NNT: variants seen among roughly 807,000 people sequenced by gnomAD.
NNT encodes NAD(P) transhydrogenase, mitochondrial.
In NNT, 50 loss-of-function variants were observed where a neutral mutation model predicts 104.8. That is an observed-to-expected ratio of 0.48 (90% CI 0.38 to 0.60). The LOEUF (loss-of-function observed/expected upper bound fraction) is 0.60. NNT is among the 20% of genes least tolerant of loss of function. NNT has a pLI of 0.00. For synonymous variants in NNT, 461 were observed against 490.4 expected (o/e 0.94, Z 0.79); for missense variants, 1,131 against 1,330.7 (o/e 0.85, Z 2.33).
At chr5:43,640,723 A>G (rs188039938) in intron 7 of NNT, among the ~76,000 whole-genome samples, 119 of 151,394 alleles carry the variant, frequency 7.9e-4, no homozygotes, top group African/African-American at 2.7e-3. Flanking sequence ...TCACTTATCT[A>G]TAGGATTATA....
chr5:43,607,875 A>C (rs188811500), intron 1 of NNT, among the ~76,000 whole-genome samples: 1 of 152,306 alleles, frequency 6.6e-6, no homozygotes, highest in Admixed American at 6.5e-5. Context: ...ACTTACAGGC[A>C]GAGTTAGCAG....
intron 19 of NNT, among the ~76,000 whole-genome samples, chr5:43,688,794 A>G (rs1490419366): frequency 1.3e-5 from 2 of 152,032 alleles, no homozygotes; most frequent in African/African-American, 4.8e-5. Flanking sequence ...CCACTTATTG[A>G]TTGATGGGCA....
chr5:43,653,843 T>C (rs1464439267), intron 14 of NNT, among the ~76,000 whole-genome samples: 2 of 152,082 alleles, frequency 1.3e-5, no homozygotes, highest in Non-Finnish European at 2.9e-5. Context: ...TAATCCCAGC[T>C]TCTTGGGTGG....
intron 19 of NNT, among the ~76,000 whole-genome samples, chr5:43,693,945 G>A (rs182079009): frequency 3.5e-4 from 53 of 152,266 alleles, no homozygotes; most frequent in African/African-American, 1.3e-3. Context: ...ATTCTCTGCA[G>A]TTTGTTTCTA....
intron 19 of NNT, among the ~76,000 whole-genome samples, chr5:43,686,005 A>G (rs1741968050): frequency 6.6e-6 from 1 of 152,166 alleles, no homozygotes. Flanking sequence ...TATACTCAGT[A>G]TTCGTGAATA....
At chr5:43,608,204 C>G (rs1749325992) in intron 1 of NNT, among the ~76,000 whole-genome samples, 1 of 152,206 alleles carries the variant, frequency 6.6e-6, no homozygotes, top group Admixed American at 6.5e-5. Flanking sequence ...GCTGGGATTA[C>G]AGGCATAAGC....
intron 11 of NNT, among the ~76,000 whole-genome samples, chr5:43,649,790 TTC>T (rs1739657457): frequency 6.6e-6 from 1 of 152,156 alleles, no homozygotes. Flanking sequence ...CATCAGGCAT[TTC>T]TCTTTGGTGC....
chr5:43,689,166 C>A (rs575130104), intron 19 of NNT, among the ~76,000 whole-genome samples: 1 of 152,146 alleles, frequency 6.6e-6, no homozygotes, highest in Non-Finnish European at 1.5e-5. Flanking sequence ...ATATCCTAGT[C>A]GGACATTTGT....
intron 12 of NNT, 109 bp from the exon 13 acceptor site, chr5:43,651,630 A>C: frequency 8.8e-7 from 1 of 1,142,850 alleles, no homozygotes; most frequent in Non-Finnish European, 1.3e-6. Flanking sequence ...ATTTGTTCCT[A>C]GGTGATAAAG....
At chr5:43,627,344 C>T (rs1750426328) in intron 6 of NNT, among the ~76,000 whole-genome samples, 3 of 152,136 alleles carry the variant, frequency 2.0e-5, no homozygotes, top group Admixed American at 2.0e-4. Flanking sequence ...CCCAAACTTC[C>T]CTGATGACAA....
intron 5 of NNT, among the ~76,000 whole-genome samples, chr5:43,623,230 G>A (rs1196324784): frequency 6.6e-6 from 1 of 152,172 alleles, no homozygotes; most frequent in Non-Finnish European, 1.5e-5. Context: ...CAATTTGTAA[G>A]CTTCACTGAT....
At chr5:43,624,964 A>G (rs536320765) in intron 6 of NNT, among the ~76,000 whole-genome samples, 3 of 152,366 alleles carry the variant, frequency 2.0e-5, no homozygotes, top group Non-Finnish European at 4.4e-5. Context: ...AGAATGTTCC[A>G]TAGAATATGG....
Position 43,644,815 on chromosome 5 carries a change from A to G in NNT, c.1290+13A>G. The G allele has an allele frequency of 1.3e-6, 2 of 1,583,538 alleles. No homozygotes were observed. Among genetic ancestry groups the G allele is most frequent in the Non-Finnish European group, 1.7e-6 (2 of 1,160,402 alleles). On this transcript the variant is annotated intron_variant, in intron 9 of 21. Coordinates refer to ENST00000344920, the MANE Select transcript of NNT (RefSeq NM_182977.3). ...TGTAGTGATGAAAGTAAGTAAAGAG[A>G]TCTATTCCTTCCTTTGCTTTTAATG... is the stretch of plus-strand genomic sequence containing the variant.
intron 4 of NNT, among the ~76,000 whole-genome samples, chr5:43,616,461 A>G (rs1210147853): frequency 6.6e-6 from 1 of 152,210 alleles, no homozygotes; most frequent in Non-Finnish European, 1.5e-5. Flanking sequence ...TAATATGCAT[A>G]TATTAGTGGA....
chr5:43,653,648 G>C (rs1286547599), intron 14 of NNT: 2 of 152,688 alleles, frequency 1.3e-5, no homozygotes, highest in African/African-American at 4.8e-5. Flanking sequence ...TTGTTTGCTG[G>C]ATTGTTAAAT....
chr5:43,697,248 C>CACCGG (rs1742605475), intron 19 of NNT, among the ~76,000 whole-genome samples: 1 of 152,212 alleles, frequency 6.6e-6, no homozygotes, highest in Admixed American at 6.5e-5. Context: ...AAGTTCTGCA[C>CACCGG]ACCTCTAGGG....
chr5:43,615,707 A>T, intron 3 of NNT, 141 bp from the exon 4 acceptor site: 1 of 735,782 alleles, frequency 1.4e-6, no homozygotes. Flanking sequence ...ATTGCTTAAG[A>T]ATTTAGTCAG....
rs369205710 is a variant in NNT at position 43,645,424 on chromosome 5, A to C, written c.1358A>C (p.Lys453Thr). 3.0e-5 allele frequency: 47 copies of C among 1,573,036 alleles called. No individual in the cohort carries two copies. Among genetic ancestry groups the C allele is most frequent in the African/African-American group, 4.1e-5 (3 of 73,106 alleles). ...NIPQGAPVKQKTVAELEAEKA... is the reference protein window; with the variant it reads ...NIPQGAPVKQTTVAELEAEKA... Reference sequence around the variant, plus strand: ...CCTCAAGGTGCCCCAGTAAAACAGAAGACAGTGGCTGAGCTGGAAGCTGAA... The same window carrying C: ...CCTCAAGGTGCCCCAGTAAAACAGACGACAGTGGCTGAGCTGGAAGCTGAA... Residue 453 changes from lysine to threonine, a missense_variant, in exon 10 of 22, where the codon AAG (lysine) becomes ACG (threonine). Lys to Thr is a moderately conservative substitution (Grantham distance 78). Transcript: ENST00000344920.
intron 19 of NNT, among the ~76,000 whole-genome samples, chr5:43,680,380 G>A (rs1741639713): frequency 1.3e-5 from 2 of 151,900 alleles, no homozygotes; most frequent in South Asian, 4.1e-4. Context: ...CAGTAATTTA[G>A]TCCTTTCATC....
Sources: allele counts gnomAD v4.1 joint callset (sites outside exome capture counted in the v4.1 genomes callset), GRCh38; gene constraint gnomAD v4.1.1; transcripts MANE v1.5; gene names NCBI Gene and HGNC (gene_info 2026-07-23, HGNC 2026-07-21).